Variants in LEPR observed in about 807,000 individuals in gnomAD.
LEPR encodes leptin receptor.
A neutral mutation model predicts 114.7 loss-of-function variants in LEPR; 56 were observed. That is an observed-to-expected ratio of 0.49 (90% confidence interval 0.39 to 0.61). LEPR has a LOEUF of 0.61. Among genes scored for constraint, LEPR ranks in the 20% least tolerant of loss-of-function variants. The pLI is 0.00. For synonymous variants in LEPR, 443 were observed against 461.4 expected (o/e 0.96, Z 0.51); for missense variants, 1,202 against 1,352.9 (o/e 0.89, Z 1.75).
chr1:65,538,314 T>TCCATCTCCAACTTCCTCCTTG (rs1553162581), intron 2 of LEPR, among the ~76,000 whole-genome samples: 3 of 152,112 alleles, frequency 2.0e-5, no homozygotes, highest in East Asian at 3.8e-4. Context: ...CAGGTTGCCT[T>TCCATCTCCAACTTCCTCCTTG]CCATCTCCAC....
At chr1:65,564,098 G>A (rs1397994341) in intron 2 of LEPR, among the ~76,000 whole-genome samples, 4 of 145,930 alleles carry the variant, frequency 2.7e-5, no homozygotes, top group Admixed American at 6.7e-5. Context: ...GGAGCTTCCC[G>A]CTGCTTTGTT....
chr1:65,526,174 G>T, intron 2 of LEPR: 1 of 985,332 alleles, frequency 1.0e-6, no homozygotes, highest in Non-Finnish European at 1.2e-6. Context: ...AAACTGAAGG[G>T]ACTGCCACCT....
At chr1:65,539,901 A>G (rs1651063427) in intron 2 of LEPR, among the ~76,000 whole-genome samples, 1 of 152,132 alleles carries the variant, frequency 6.6e-6, no homozygotes, top group South Asian at 2.1e-4. Context: ...GCAATTCTGC[A>G]TGGGATTTTG....
chr1:65,431,769 G>A, intron 2 of LEPR: 2 of 1,595,744 alleles, frequency 1.3e-6, no homozygotes, highest in Non-Finnish European at 1.7e-6. Flanking sequence ...TATGAAGGAA[G>A]TAAGGATTTA....
chr1:65,538,665 A>G (rs1410778686), intron 2 of LEPR, among the ~76,000 whole-genome samples: 1 of 152,108 alleles, frequency 6.6e-6, no homozygotes, highest in Non-Finnish European at 1.5e-5. Flanking sequence ...GTGTTTTGGG[A>G]TGAAACATTT....
Position 65,550,253 on chromosome 1 carries a change from G to A in LEPR, c.-20-15293G>A, listed in dbSNP as rs551077765. 4.6e-5 allele frequency among the ~76,000 whole-genome samples: 7 copies of A among 152,290 alleles called. 1 individual carries two copies. The South Asian group carries it at 1.0e-3, about 23-fold the overall frequency. ...GGGGTGCCTCCCAGTTAGGCTGCTCGGGGGTCAGGGGTCAGGGACCCACTT... is the reference window on the plus strand; with the variant it reads ...GGGGTGCCTCCCAGTTAGGCTGCTCAGGGGTCAGGGGTCAGGGACCCACTT... On this transcript the variant is annotated intron_variant, in intron 2 of 19. Transcript: ENST00000349533.
chr1:65,592,521 G>GTTTT, intron 5 of LEPR, 136 bp from the exon 6 acceptor site: 7 of 707,040 alleles, frequency 9.9e-6, no homozygotes, highest in South Asian at 6.3e-5. Context: ...CTAATGTAGG[G>GTTTT]TTTTTTTTTT....
intron 2 of LEPR, chr1:65,486,604 G>C (rs890129400): frequency 2.0e-5 from 3 of 152,112 alleles, no homozygotes; most frequent in Non-Finnish European, 2.9e-5. Flanking sequence ...TTGGAGAAAA[G>C]GTAAATATCT....
At chr1:65,608,613 A>G (rs2100963697) in intron 11 of LEPR, 140 bp from the exon 12 acceptor site, 3 of 1,005,804 alleles carry the variant, frequency 3.0e-6, no homozygotes, top group Non-Finnish European at 4.3e-6. Flanking sequence ...GTAATAGGGA[A>G]ACAAATGAGA....
chr1:65,517,339 G>A (rs1380539024), intron 2 of LEPR, among the ~76,000 whole-genome samples: 1 of 152,104 alleles, frequency 6.6e-6, no homozygotes, highest in African/African-American at 2.4e-5. Flanking sequence ...TGAAAGTCAG[G>A]GCCTGTGTAT....
intron 6 of LEPR, 134 bp downstream of exon 6, chr1:65,592,999 G>A: frequency 1.0e-6 from 1 of 965,560 alleles, no homozygotes; most frequent in East Asian, 2.6e-5. Context: ...TGTAGTACTG[G>A]GGGTATTAAG....
At chr1:65,511,325 C>T (rs1014849245) in intron 2 of LEPR, among the ~76,000 whole-genome samples, 17 of 151,982 alleles carry the variant, frequency 1.1e-4, no homozygotes, top group Admixed American at 3.3e-4. Flanking sequence ...TCTCAGACCC[C>T]AATCCAGACC....
Position 65,457,125 on chromosome 1 carries a change from G to A in LEPR, c.-21+31747G>A, listed in dbSNP as rs115570058. Among the ~76,000 whole-genome samples the A allele has an allele frequency of 5.0e-3, 765 of 152,076 alleles. 8 individuals are homozygous for A. Among genetic ancestry groups the A allele is most frequent in the African/African-American group, 0.018 (737 of 41,492 alleles). ...CCAATTCTTTCCTCCTATCCCTTGT[G>A]TCAATGCTGTTATTCATTTTACTTA... is the stretch of plus-strand genomic sequence containing the variant. On this transcript the variant is annotated intron_variant, in intron 2 of 19. Transcript: ENST00000349533.
At chr1:65,553,165 A>C (rs1173505568) in intron 2 of LEPR, among the ~76,000 whole-genome samples, 2 of 152,066 alleles carry the variant, frequency 1.3e-5, no homozygotes, top group African/African-American at 4.8e-5. Flanking sequence ...CCTTCATTTC[A>C]ACCTTGGTGA....
chr1:65,635,036 T>G, intron 19 of LEPR: 2 of 860,136 alleles, frequency 2.3e-6, no homozygotes, highest in Non-Finnish European at 2.8e-6. Flanking sequence ...ATTTATTCCT[T>G]TATGCTTTTA....
chr1:65,547,601 G>A (rs1251935848), intron 2 of LEPR, among the ~76,000 whole-genome samples: 1 of 151,440 alleles, frequency 6.6e-6, no homozygotes, highest in African/African-American at 2.4e-5. Flanking sequence ...GCATAGAGGT[G>A]TTTGTAGTAT....
At chr1:65,436,464 A>G (rs1253982545) in intron 2 of LEPR, among the ~76,000 whole-genome samples, 1 of 152,238 alleles carries the variant, frequency 6.6e-6, no homozygotes, top group Admixed American at 6.5e-5. Context: ...TTGTAAAGAA[A>G]TCAAGCTAGT....
chr1:65,525,863 C>T (rs979661285), intron 2 of LEPR: 61 of 979,968 alleles, frequency 6.2e-5, no homozygotes, highest in Non-Finnish European at 7.3e-5. Flanking sequence ...GCCACCTCTT[C>T]CCGCTCTGGG....
At chr1:65,470,174 A>G (rs1647065336) in intron 2 of LEPR, among the ~76,000 whole-genome samples, 1 of 152,214 alleles carries the variant, frequency 6.6e-6, no homozygotes, top group Non-Finnish European at 1.5e-5. Flanking sequence ...AAACAATAGC[A>G]TTCTATTTTA....
Sources: allele counts gnomAD v4.1 joint callset (sites outside exome capture counted in the v4.1 genomes callset), GRCh38; gene constraint gnomAD v4.1.1; transcripts MANE v1.5; gene names NCBI Gene and HGNC (gene_info 2026-07-23, HGNC 2026-07-21).